The following TENM3 variants were observed in gnomAD, a reference collection of about 807,000 sequenced individuals.
The protein encoded by TENM3 is teneurin-3.
A neutral mutation model predicts 255.1 loss-of-function variants in TENM3; 63 were observed. The ratio of observed to expected loss-of-function variants is 0.25; its 90% CI spans 0.20 to 0.30. TENM3 has a LOEUF of 0.30. Among genes scored for constraint, TENM3 ranks in the 10% least tolerant of loss-of-function variants. The pLI is 1.00. For missense variants in TENM3, 2,929 were observed against 3,461.1 expected (o/e 0.85, Z 3.86); for synonymous variants, 1,306 against 1,322.3 (o/e 0.99, Z 0.27).
the TENM3 span, among the ~76,000 whole-genome samples, chr4:181,663,876 C>T: frequency 6.6e-6 from 1 of 152,212 alleles, no homozygotes; most frequent in Non-Finnish European, 1.5e-5. Flanking sequence ...CATCCTCTGC[C>T]TCCCGCAGCA....
At chr4:182,740,160 G>C (rs909478129) in intron 18 of TENM3, among the ~76,000 whole-genome samples, 4 of 152,186 alleles carry the variant, frequency 2.6e-5, no homozygotes, top group Non-Finnish European at 5.9e-5. Flanking sequence ...CTATTTTATA[G>C]CAGTATATTA....
chr4:182,259,505 G>A (rs1301102598), intron 1 of TENM3, among the ~76,000 whole-genome samples: 4 of 152,018 alleles, frequency 2.6e-5, no homozygotes, highest in African/African-American at 9.7e-5. Context: ...TAGAGACAGG[G>A]TCTGCCTTTG....
chr4:182,120,091 GCGCGCACACA>G, the TENM3 span, among the ~76,000 whole-genome samples: 95 of 58,406 alleles, frequency 1.6e-3, no homozygotes, highest in East Asian at 9.0e-3. Flanking sequence ...ATGCGTGCGT[GCGCGCACACA>G]CACACACACA....
chr4:182,286,897 C>A (rs1294995811), intron 1 of TENM3, among the ~76,000 whole-genome samples: 1 of 152,094 alleles, frequency 6.6e-6, no homozygotes, highest in East Asian at 1.9e-4. Flanking sequence ...CACAACAGTC[C>A]AGACGGAAAC....
the TENM3 span, among the ~76,000 whole-genome samples, chr4:181,888,521 T>C: frequency 1.6e-4 from 13 of 80,562 alleles, 1 homozygote; most frequent in Non-Finnish European, 2.4e-4. Flanking sequence ...TATATGTATA[T>C]ATATACATAT....
At chr4:181,959,873 A>G in the TENM3 span, among the ~76,000 whole-genome samples, 3 of 152,214 alleles carry the variant, frequency 2.0e-5, no homozygotes, top group Non-Finnish European at 4.4e-5. Context: ...GACATTAAGA[A>G]AACTAAATGC....
At chr4:182,596,900 C>A (rs1311386738) in intron 3 of TENM3, among the ~76,000 whole-genome samples, 1 of 152,162 alleles carries the variant, frequency 6.6e-6, no homozygotes, top group Non-Finnish European at 1.5e-5. Flanking sequence ...ATATCCAGAA[C>A]TTTTTTATCA....
At chr4:182,314,144 C>A (rs1200056590) in intron 1 of TENM3, among the ~76,000 whole-genome samples, 1 of 151,912 alleles carries the variant, frequency 6.6e-6, no homozygotes, top group Non-Finnish European at 1.5e-5. Flanking sequence ...ACTAAAAATA[C>A]AAAAAAATTA....
chr4:182,755,245 G>C lies in TENM3; in HGVS notation c.4878G>C (p.Trp1626Cys). 6.3e-7 allele frequency: 1 copy of C among 1,597,540 alleles called. No homozygotes were observed. Among genetic ancestry groups the C allele is most frequent in the East Asian group, 2.2e-5 (1 of 44,836 alleles). Reference sequence around the variant, plus strand: ...CCACTAAAAGTGATGAAACTGGATGGACAACGTTTTTTGAGTAAGTATATG... The same window carrying C: ...CCACTAAAAGTGATGAAACTGGATGCACAACGTTTTTTGAGTAAGTATATG... ...LLATKSDETG[W>C]TTFFDYDSEG... The change falls in exon 22 of 28, where the codon TGG becomes TGC. Residue 1626 changes from tryptophan (W) to cysteine (C), a missense_variant. Trp to Cys is a radical substitution (Grantham distance 215, BLOSUM62 -2). Transcript: ENST00000511685.
the TENM3 span, among the ~76,000 whole-genome samples, chr4:181,989,112 T>A: frequency 1.3e-5 from 2 of 152,150 alleles, no homozygotes; most frequent in African/African-American, 4.8e-5. Flanking sequence ...TTAATTACTA[T>A]GTTGACTTGA....
intron 1 of TENM3, among the ~76,000 whole-genome samples, chr4:182,157,539 C>T (rs1750796658): frequency 6.6e-6 from 1 of 152,160 alleles, no homozygotes; most frequent in African/African-American, 2.4e-5. Context: ...GTCAAGTGTC[C>T]TCACTAGAGA....
At chr4:182,006,276 T>C in the TENM3 span, among the ~76,000 whole-genome samples, 1 of 151,858 alleles carries the variant, frequency 6.6e-6, no homozygotes, top group African/African-American at 2.4e-5. Context: ...CTTTTCAGTT[T>C]TTTGGAACAG....
At chr4:181,894,517 A>G in the TENM3 span, among the ~76,000 whole-genome samples, 1 of 152,210 alleles carries the variant, frequency 6.6e-6, no homozygotes, top group Non-Finnish European at 1.5e-5. Flanking sequence ...GAAGAGTGAC[A>G]TTATCTTACT....
the TENM3 span, among the ~76,000 whole-genome samples, chr4:181,916,711 T>C: frequency 6.6e-6 from 1 of 152,068 alleles, no homozygotes; most frequent in Non-Finnish European, 1.5e-5. Flanking sequence ...ACCCCGTCTC[T>C]ACTAAAATTA....
chr4:182,418,953 G>A (rs540132976), intron 3 of TENM3, among the ~76,000 whole-genome samples: 16 of 152,158 alleles, frequency 1.1e-4, no homozygotes, highest in South Asian at 2.1e-4. Context: ...GGCACGTTCC[G>A]TCCTTAGGGT....
intron 2 of TENM3, among the ~76,000 whole-genome samples, chr4:182,336,555 C>G (rs973845718): frequency 6.6e-6 from 1 of 152,176 alleles, no homozygotes; most frequent in Admixed American, 6.5e-5. Flanking sequence ...ATTCCTGCTT[C>G]GGAACTGCAG....
the TENM3 span, among the ~76,000 whole-genome samples, chr4:181,925,882 T>C: frequency 2.0e-5 from 3 of 152,224 alleles, no homozygotes; most frequent in Non-Finnish European, 4.4e-5. Flanking sequence ...TAGTGAAAAT[T>C]TCAATCTATT....
At chr4:182,798,530 A>G (rs1448851189) in intron 27 of TENM3, among the ~76,000 whole-genome samples, 1 of 152,238 alleles carries the variant, frequency 6.6e-6, no homozygotes, top group Non-Finnish European at 1.5e-5. Context: ...GCCTAATGCC[A>G]CATTTCTCAG....
chr4:181,515,535 G>C, the TENM3 span, among the ~76,000 whole-genome samples: 1 of 151,724 alleles, frequency 6.6e-6, no homozygotes, highest in African/African-American at 2.4e-5. Flanking sequence ...TATCAGAGTC[G>C]AGTCCCAAAA....
Sources: gnomAD v4.1 joint callset for allele counts (sites outside exome capture counted in the v4.1 genomes callset) on GRCh38, gnomAD v4.1.1 for gene constraint, MANE v1.5 for transcripts, NCBI Gene and HGNC (gene_info 2026-07-23, HGNC 2026-07-21) for gene names.